SOX6: variants seen among roughly 807,000 people sequenced by gnomAD.
SOX6 encodes the protein transcription factor SOX-6.
Under a neutral mutation model 97.8 loss-of-function variants are expected in SOX6, and 11 were observed. The ratio of observed to expected loss-of-function variants is 0.11; its 90% CI spans 0.07 to 0.19. The LOEUF is 0.19. SOX6 is among the 10% of genes least tolerant of loss of function. The pLI, the probability that SOX6 is intolerant of heterozygous loss-of-function variation, is 1.00. For missense variants in SOX6, 810 were observed against 1,039.5 expected (o/e 0.78, Z 3.04); for synonymous variants, 360 against 371.4 (o/e 0.97, Z 0.35).
intron 4 of SOX6, chr11:16,611,990 A>T (rs1309220238): frequency 6.6e-6 from 1 of 152,670 alleles, no homozygotes; most frequent in Non-Finnish European, 1.5e-5. Flanking sequence ...GTTAATTTTT[A>T]AATGCGCTTC....
chr11:16,691,300 T>C (rs1268547277), intron 3 of SOX6, among the ~76,000 whole-genome samples: 3 of 152,192 alleles, frequency 2.0e-5, no homozygotes, highest in Non-Finnish European at 4.4e-5. Context: ...CTGCGGACAC[T>C]GTCTTGTTTG....
At chr11:16,554,185 T>C (rs1409430640) in intron 4 of SOX6, among the ~76,000 whole-genome samples, 1 of 152,066 alleles carries the variant, frequency 6.6e-6, no homozygotes, top group African/African-American at 2.4e-5. Context: ...GAAGGAAAAA[T>C]TGAGTCACTG....
rs528392184 is a variant in SOX6 at position 16,256,338 on chromosome 11, A to G, written c.446-21667T>C. Among the ~76,000 whole-genome samples, 4 of 152,124 alleles carry G rather than the reference A, an allele frequency of 2.6e-5. No individual in the cohort carries two copies. The South Asian group carries it at 8.3e-4, about 32-fold the overall frequency. ...GCTAATTGAATCAAATAATGTGTTA[A>G]AAGAATTATATACCACAATCAAGTG... On this transcript the variant is annotated intron_variant, in intron 3 of 15. Transcript: ENST00000683767.
intron 10 of SOX6, among the ~76,000 whole-genome samples, chr11:16,052,779 G>A (rs902381578): frequency 3.3e-5 from 5 of 152,066 alleles, no homozygotes; most frequent in African/African-American, 1.2e-4. Context: ...GCATTTTTAG[G>A]CAAGGTCAGA....
chr11:16,199,915 G>C (rs1005143633), intron 4 of SOX6, among the ~76,000 whole-genome samples: 4 of 151,984 alleles, frequency 2.6e-5, no homozygotes, highest in African/African-American at 9.7e-5. Context: ...CAATTTTACA[G>C]GAAAAATTTC....
chr11:16,293,838 G>A (rs1034738651), intron 3 of SOX6, among the ~76,000 whole-genome samples: 7 of 151,918 alleles, frequency 4.6e-5, no homozygotes, highest in African/African-American at 1.7e-4. Flanking sequence ...GGGGGTCACC[G>A]CAGTGAGAGA....
At chr11:16,643,137 G>A (rs560155203) in intron 3 of SOX6, among the ~76,000 whole-genome samples, 1 of 152,324 alleles carries the variant, frequency 6.6e-6, no homozygotes, top group Non-Finnish European at 1.5e-5. Context: ...CTAACAGTCA[G>A]GATCCTCAGC....
intron 2 of SOX6, among the ~76,000 whole-genome samples, chr11:16,716,361 T>C (rs139423745): frequency 6.6e-6 from 1 of 152,160 alleles, no homozygotes; most frequent in African/African-American, 2.4e-5. Context: ...TTGGGCAACA[T>C]AGAGAGAACC....
intron 3 of SOX6, among the ~76,000 whole-genome samples, chr11:16,302,736 AT>A (rs1367583330): frequency 4.7e-5 from 7 of 149,984 alleles, no homozygotes; most frequent in African/African-American, 1.7e-4. Flanking sequence ...CACCCAACTA[AT>A]TTTTCTATAT....
chr11:16,692,245 A>AT (rs1314065239), intron 3 of SOX6, among the ~76,000 whole-genome samples: 1 of 151,940 alleles, frequency 6.6e-6, no homozygotes, highest in Non-Finnish European at 1.5e-5. Flanking sequence ...TAATTTTTGT[A>AT]TTTTTAGTGG....
intron 1 of SOX6, among the ~76,000 whole-genome samples, chr11:16,475,104 G>C (rs568178470): frequency 1.1e-4 from 17 of 152,222 alleles, no homozygotes; most frequent in Non-Finnish European, 1.5e-4. Flanking sequence ...AAAAATTGAA[G>C]AGAGTTAGGG....
intron 1 of SOX6, among the ~76,000 whole-genome samples, chr11:16,437,183 G>A (rs1859392961): frequency 1.3e-5 from 2 of 151,786 alleles, no homozygotes; most frequent in South Asian, 2.1e-4. Flanking sequence ...GCTGGGAGGT[G>A]GACTGACCCC....
At chr11:16,099,711 T>TC (rs1408751391) in intron 7 of SOX6, among the ~76,000 whole-genome samples, 1 of 151,628 alleles carries the variant, frequency 6.6e-6, no homozygotes, top group East Asian at 1.9e-4. Context: ...AAATAGCTTT[T>TC]TTTTTTTTTT....
chr11:16,533,837 T>A (rs929365460), intron 4 of SOX6, among the ~76,000 whole-genome samples: 3 of 152,060 alleles, frequency 2.0e-5, no homozygotes, highest in African/African-American at 7.2e-5. Flanking sequence ...CAATAAGATA[T>A]CAAGTAAAAA....
chr11:16,181,722 T>A (rs976369553), intron 6 of SOX6, among the ~76,000 whole-genome samples: 2 of 151,768 alleles, frequency 1.3e-5, no homozygotes, highest in Admixed American at 1.3e-4. Context: ...AGATATGCCA[T>A]AAAGCAGTAG....
At chr11:16,517,866 T>C (rs1259051223) in intron 4 of SOX6, among the ~76,000 whole-genome samples, 1 of 152,198 alleles carries the variant, frequency 6.6e-6, no homozygotes, top group Non-Finnish European at 1.5e-5. Context: ...TTTGTCATTA[T>C]TTATGCCATT....
intron 1 of SOX6, among the ~76,000 whole-genome samples, chr11:16,401,726 G>A (rs774552987): frequency 6.6e-6 from 1 of 151,284 alleles, no homozygotes; most frequent in South Asian, 2.1e-4. Flanking sequence ...TAAATCAAAG[G>A]AACACGGCTT....
intron 6 of SOX6, among the ~76,000 whole-genome samples, chr11:16,154,379 T>C (rs1264834021): frequency 6.6e-6 from 1 of 152,146 alleles, no homozygotes; most frequent in Non-Finnish European, 1.5e-5. Context: ...CAGAAATCTA[T>C]TTTTTATGTA....
intron 4 of SOX6, among the ~76,000 whole-genome samples, chr11:16,499,649 A>T (rs1860667878): frequency 1.3e-5 from 2 of 152,256 alleles, no homozygotes; most frequent in Non-Finnish European, 2.9e-5. Flanking sequence ...TCCCACAGAA[A>T]TACAAACTAC....
Sources: gnomAD v4.1 joint callset for allele counts (sites outside exome capture counted in the v4.1 genomes callset) on GRCh38, gnomAD v4.1.1 for gene constraint, MANE v1.5 for transcripts, NCBI Gene and HGNC (gene_info 2026-07-23, HGNC 2026-07-21) for gene names.